The following CNTNAP4 variants were observed in gnomAD, a reference collection of about 807,000 sequenced individuals.
CNTNAP4 encodes contactin-associated protein-like 4.
A neutral mutation model predicts 148.4 loss-of-function variants in CNTNAP4; 98 were observed. The ratio of observed to expected loss-of-function variants is 0.66; its 90% CI spans 0.56 to 0.78. The LOEUF (loss-of-function observed/expected upper bound fraction) is 0.78. Ranked by LOEUF, CNTNAP4 falls within the 30% of genes least tolerant of loss-of-function variation. The pLI, the probability that CNTNAP4 is intolerant of heterozygous loss-of-function variation, is 0.00. For synonymous variants in CNTNAP4, 730 were observed against 565.1 expected (o/e 1.29, Z -4.14); for missense variants, 1,935 against 1,565.6 (o/e 1.24, Z -3.98).
chr16:76,488,156 G>T (rs1597707858), intron 12 of CNTNAP4, among the ~76,000 whole-genome samples: 1 of 152,152 alleles, frequency 6.6e-6, no homozygotes, highest in Admixed American at 6.5e-5. Context: ...CAGAATTTCA[G>T]ACCTCGTTCT....
chr16:76,350,404 T>C lies in CNTNAP4; in HGVS notation c.197-4914T>C, dbSNP rs16944279. Reference sequence around the variant, plus strand: ...CATCTCACTAGATAATTTTAATAATTAAGTTAATACAACGTATACAATTTC... The same window carrying C: ...CATCTCACTAGATAATTTTAATAATCAAGTTAATACAACGTATACAATTTC... On this transcript the variant is annotated intron_variant, in intron 2 of 23. Transcript: ENST00000611870. 9.2e-3 allele frequency among the ~76,000 whole-genome samples: 1,398 copies of C among 152,036 alleles called. 19 individuals are homozygous for C. The highest frequency in any genetic ancestry group is 0.032 in the African/African-American group (1,333 of 41,530).
At chr16:76,290,971 A>C (rs1672995144) in intron 1 of CNTNAP4, among the ~76,000 whole-genome samples, 1 of 152,060 alleles carries the variant, frequency 6.6e-6, no homozygotes, top group South Asian at 2.1e-4. Flanking sequence ...TGGGAGAGAG[A>C]GAGCGATATC....
In CNTNAP4 at chr16:76,471,115, TAC is replaced by T. The variant is rs150698107; in HGVS notation, c.1655+3607_1655+3608del. Among the ~76,000 whole-genome samples, 66 of 150,876 alleles carry T rather than the reference TAC, an allele frequency of 4.4e-4. No individual in the cohort carries two copies. In the East Asian group the frequency reaches 9.0e-3, roughly 21 times the overall value. ...ACGCAAACACACACAAACACACACA[TAC>T]ACACACACACACACTCTTAGAAGCC... On this transcript the variant is annotated intron_variant, in intron 10 of 23. Coordinates refer to ENST00000611870, the MANE Select transcript of CNTNAP4 (RefSeq NM_033401.5).
At chr16:76,530,495 C>A (rs2083930519) in intron 17 of CNTNAP4, among the ~76,000 whole-genome samples, 1 of 152,136 alleles carries the variant, frequency 6.6e-6, no homozygotes, top group Non-Finnish European at 1.5e-5. Flanking sequence ...TGTGATTATT[C>A]ATCAGTGAAC....
At chr16:76,338,290 C>A (rs1964185747) in intron 2 of CNTNAP4, among the ~76,000 whole-genome samples, 1 of 152,152 alleles carries the variant, frequency 6.6e-6, no homozygotes, top group South Asian at 2.1e-4. Flanking sequence ...TCAGCTGGTC[C>A]CTCCATTCGG....
intron 3 of CNTNAP4, among the ~76,000 whole-genome samples, chr16:76,424,764 A>C (rs1037463985): frequency 3.5e-5 from 2 of 56,796 alleles, no homozygotes; most frequent in African/African-American, 1.2e-4. Context: ...GTCTAAAAAA[A>C]CAAAAACAAA....
chr16:76,314,003 T>C (rs933929036), intron 1 of CNTNAP4, among the ~76,000 whole-genome samples: 1 of 152,170 alleles, frequency 6.6e-6, no homozygotes, highest in African/African-American at 2.4e-5. Context: ...GCTGAATAAA[T>C]TAAACATGTA....
At chr16:76,450,867 T>C (rs1240098596) in intron 7 of CNTNAP4, among the ~76,000 whole-genome samples, 3 of 152,174 alleles carry the variant, frequency 2.0e-5, no homozygotes, top group Non-Finnish European at 4.4e-5. Context: ...ACCTCAGCAA[T>C]TTTCAGAGGA....
chr16:76,461,073 G>T lies in CNTNAP4; in HGVS notation c.1334-883G>T, dbSNP rs548825045. 3.3e-5 allele frequency among the ~76,000 whole-genome samples: 5 copies of T among 152,018 alleles called. No homozygotes were observed. In the East Asian group the frequency reaches 5.8e-4, roughly 18 times the overall value. On this transcript the variant is annotated intron_variant, in intron 8 of 23. Transcript: ENST00000611870. ...GCCAACAGCACCCTAACTCATGCGT[G>T]AATGAAACTTATCTAACACATGTAT...
At position 76,509,688 on chromosome 16, in the gene CNTNAP4, C is replaced by T. The variant is rs551162733; in HGVS notation, c.2365+10994C>T. Among the ~76,000 whole-genome samples the T allele has an allele frequency of 1.5e-3, 148 of 96,562 alleles. 24 individuals are homozygous for T. The highest frequency in any genetic ancestry group is 3.7e-3 in the African/African-American group (142 of 38,762). 63.3% of individuals were successfully genotyped at this position (96,562 alleles called of 152,430 possible). A position where few individuals can be genotyped will look rare whatever the true frequency, so the allele number is the denominator to read the frequency against. Reference sequence around the variant, plus strand: ...AAAGCTAGCACTCATTTCTTCTTTCCCCTTCTTTATCTCCCCCTTCCCAGT... The same window carrying T: ...AAAGCTAGCACTCATTTCTTCTTTCTCCTTCTTTATCTCCCCCTTCCCAGT... On this transcript the variant is annotated intron_variant, in intron 15 of 23. Transcript: ENST00000611870.
chr16:76,372,490 T>C (rs980236442), intron 3 of CNTNAP4, among the ~76,000 whole-genome samples: 1 of 152,124 alleles, frequency 6.6e-6, no homozygotes, highest in African/African-American at 2.4e-5. Flanking sequence ...TCGCATGATT[T>C]CCACGTGTTG....
At chr16:76,461,400 C>A (rs1486025652) in intron 8 of CNTNAP4, among the ~76,000 whole-genome samples, 1 of 152,096 alleles carries the variant, frequency 6.6e-6, no homozygotes, top group Admixed American at 6.6e-5. Flanking sequence ...AATAAGGAGG[C>A]AAATTCTCAA....
At chr16:76,358,864 ATGTGTATATGTATGTG>A (rs1323295882) in intron 3 of CNTNAP4, among the ~76,000 whole-genome samples, 1 of 150,904 alleles carries the variant, frequency 6.6e-6, no homozygotes, top group African/African-American at 2.4e-5. Flanking sequence ...ATATATATGT[ATGTGTATATGTATGTG>A]TGTGTATATA....
intron 3 of CNTNAP4, among the ~76,000 whole-genome samples, chr16:76,409,962 AC>A (rs1402548268): frequency 6.6e-6 from 1 of 151,900 alleles, no homozygotes; most frequent in Non-Finnish European, 1.5e-5. Flanking sequence ...TCTTCATCTT[AC>A]TTAATTTGGA....
intron 15 of CNTNAP4, among the ~76,000 whole-genome samples, chr16:76,504,275 G>A (rs2082760313): frequency 6.6e-6 from 1 of 151,972 alleles, no homozygotes; most frequent in Non-Finnish European, 1.5e-5. Context: ...ATAGAATAGA[G>A]AGCCCAAAAA....
At chr16:76,358,584 G>A (rs1359960930) in intron 3 of CNTNAP4, among the ~76,000 whole-genome samples, 3 of 152,158 alleles carry the variant, frequency 2.0e-5, no homozygotes, top group Non-Finnish European at 4.4e-5. Context: ...CTGGAAAGGT[G>A]TGAAAAAAGC....
At chr16:76,498,945 G>A (rs535175270) in intron 15 of CNTNAP4, among the ~76,000 whole-genome samples, 5 of 152,184 alleles carry the variant, frequency 3.3e-5, no homozygotes, top group Non-Finnish European at 5.9e-5. Flanking sequence ...ACAGAGATTT[G>A]GGAGATGAAA....
At chr16:76,459,425 C>A (rs559745438) in intron 8 of CNTNAP4, among the ~76,000 whole-genome samples, 1 of 147,826 alleles carries the variant, frequency 6.8e-6, no homozygotes. Flanking sequence ...ACAAACCAAA[C>A]CAGAGTTGGG....
intron 1 of CNTNAP4, among the ~76,000 whole-genome samples, chr16:76,295,816 A>AATTT (rs985348399): frequency 6.6e-6 from 1 of 152,018 alleles, no homozygotes; most frequent in African/African-American, 2.4e-5. Flanking sequence ...TCTGAATAAG[A>AATTT]ATTTATTTAT....
Sources: allele counts gnomAD v4.1 joint callset (sites outside exome capture counted in the v4.1 genomes callset), GRCh38; gene constraint gnomAD v4.1.1; transcripts MANE v1.5; gene names NCBI Gene and HGNC (gene_info 2026-07-23, HGNC 2026-07-21).